Variants in MAML2 observed in about 807,000 individuals in gnomAD.
The protein encoded by MAML2 is mastermind like transcriptional coactivator 2.
Under a neutral mutation model 96.1 loss-of-function variants are expected in MAML2, and 22 were observed. That is an observed-to-expected ratio of 0.23 (90% CI 0.16 to 0.33). MAML2 has a LOEUF of 0.33. Among genes scored for constraint, MAML2 ranks in the 10% least tolerant of loss-of-function variants. MAML2 has a pLI of 1.00. For synonymous variants in MAML2, 561 were observed against 521.3 expected (o/e 1.08, Z -1.04); for missense variants, 1,367 against 1,392.4 (o/e 0.98, Z 0.29).
At chr11:96,285,318 C>A (rs547860547) in intron 1 of MAML2, among the ~76,000 whole-genome samples, 1 of 152,072 alleles carries the variant, frequency 6.6e-6, no homozygotes, top group Admixed American at 6.6e-5. Context: ...CAAACTTACA[C>A]AAAAAGTAAG....
chr11:96,255,498 C>T (rs1443175105), intron 1 of MAML2, among the ~76,000 whole-genome samples: 2 of 152,224 alleles, frequency 1.3e-5, no homozygotes, highest in African/African-American at 4.8e-5. Flanking sequence ...CACTTGCTGC[C>T]TCCATTGTTA....
chr11:96,219,353 G>T (rs569655783), intron 1 of MAML2, among the ~76,000 whole-genome samples: 135 of 152,222 alleles, frequency 8.9e-4, no homozygotes, highest in Non-Finnish European at 1.5e-3. Context: ...TGTTCAAGAG[G>T]CCTTCCCAGA....
At chr11:96,175,600 T>A (rs1427490888) in intron 1 of MAML2, among the ~76,000 whole-genome samples, 2 of 152,180 alleles carry the variant, frequency 1.3e-5, no homozygotes, top group Non-Finnish European at 2.9e-5. Context: ...TTGTTTTGTT[T>A]TTTTTTAGAT....
intron 2 of MAML2, among the ~76,000 whole-genome samples, chr11:96,077,515 C>T (rs1859461762): frequency 6.6e-6 from 1 of 152,228 alleles, no homozygotes; most frequent in South Asian, 2.1e-4. Flanking sequence ...GCCACCGCAA[C>T]TGGCCTACCC....
chr11:96,134,393 T>C (rs1262925268), intron 1 of MAML2, among the ~76,000 whole-genome samples: 1 of 152,232 alleles, frequency 6.6e-6, no homozygotes, highest in East Asian at 1.9e-4. Context: ...TTGATGCATT[T>C]TTAATGAATT....
intron 1 of MAML2, among the ~76,000 whole-genome samples, chr11:96,299,044 CAAAAA>C (rs71040142): frequency 4.3e-4 from 35 of 80,756 alleles, no homozygotes; most frequent in Middle Eastern, 9.3e-3. Context: ...GAGTCCATCT[CAAAAA>C]AAAAAAAAAA....
At chr11:96,189,510 A>G (rs188369826) in intron 1 of MAML2, among the ~76,000 whole-genome samples, 54 of 152,366 alleles carry the variant, frequency 3.5e-4, no homozygotes, top group Middle Eastern at 3.4e-3. Flanking sequence ...TCTTACCACT[A>G]TGACTAATTT....
At chr11:96,330,339 C>G (rs1304050486) in intron 1 of MAML2, among the ~76,000 whole-genome samples, 1 of 152,154 alleles carries the variant, frequency 6.6e-6, no homozygotes, top group Non-Finnish European at 1.5e-5. Flanking sequence ...TAGGCTATTT[C>G]ATAAACTGTA....
At position 96,093,142 on chromosome 11, in the gene MAML2, G is replaced by T. The variant is rs973963049; in HGVS notation, c.889C>A (p.Pro297Thr). 2.6e-5 allele frequency: 42 copies of T among 1,613,768 alleles called. No homozygotes were observed. Among genetic ancestry groups the T allele is most frequent in the Non-Finnish European group, 3.5e-5 (41 of 1,179,890 alleles). ...TCAGGATCCATCAGTTGTTCTCCAG[G>T]GTCGTCTCCGTACCTATTAGGAAAA... ...NIFPNRYGDD[P>T]GEQLMDPELQ... The change falls in exon 2 of 5, where the codon CCT becomes ACT. Residue 297 changes from proline to threonine, a missense_variant. By Grantham distance (38) the Pro-to-Thr change is conservative (BLOSUM62 -1). Transcript: ENST00000524717.
chr11:95,984,941 G>A (rs868592380), intron 4 of MAML2, among the ~76,000 whole-genome samples: 2 of 152,166 alleles, frequency 1.3e-5, no homozygotes, highest in African/African-American at 4.8e-5. Flanking sequence ...TTTCATGAGC[G>A]GGAGGAGAGA....
At chr11:96,294,537 G>A (rs1290041461) in intron 1 of MAML2, among the ~76,000 whole-genome samples, 1 of 152,192 alleles carries the variant, frequency 6.6e-6, no homozygotes, top group Non-Finnish European at 1.5e-5. Context: ...AAGGACTGCA[G>A]GAAGTTCCAA....
At chr11:96,005,113 T>A (rs1478693380) in intron 2 of MAML2, among the ~76,000 whole-genome samples, 1 of 152,240 alleles carries the variant, frequency 6.6e-6, no homozygotes, top group Non-Finnish European at 1.5e-5. Flanking sequence ...ATCTTGGACT[T>A]CACAGCCTCC....
chr11:96,081,763 T>A (rs1180230432), intron 2 of MAML2, among the ~76,000 whole-genome samples: 1 of 152,224 alleles, frequency 6.6e-6, no homozygotes, highest in African/African-American at 2.4e-5. Context: ...ATGGAAAATT[T>A]TCAACAATCC....
intron 4 of MAML2, among the ~76,000 whole-genome samples, chr11:95,982,452 T>G (rs547278001): frequency 6.6e-6 from 1 of 152,190 alleles, no homozygotes; most frequent in South Asian, 2.1e-4. Flanking sequence ...TCAGATTTCT[T>G]TTCTTTCCTC....
chr11:96,074,044 T>A (rs1055255178), intron 2 of MAML2, among the ~76,000 whole-genome samples: 1 of 147,834 alleles, frequency 6.8e-6, no homozygotes, highest in Non-Finnish European at 1.5e-5. Flanking sequence ...TAAAAAATAT[T>A]TTTTTTCATG....
intron 1 of MAML2, among the ~76,000 whole-genome samples, chr11:96,340,507 A>G (rs1565288797): frequency 5.9e-5 from 9 of 152,146 alleles, no homozygotes. Flanking sequence ...TCCAAGGGAT[A>G]CTCCTCTGGG....
chr11:96,172,279 A>G (rs776408119), intron 1 of MAML2, among the ~76,000 whole-genome samples: 17 of 152,340 alleles, frequency 1.1e-4, no homozygotes, highest in Non-Finnish European at 1.9e-4. Flanking sequence ...AAGGTAGCTT[A>G]TGGCTCATCA....
chr11:96,078,272 G>T (rs1859475270), intron 2 of MAML2, among the ~76,000 whole-genome samples: 1 of 152,166 alleles, frequency 6.6e-6, no homozygotes, highest in African/African-American at 2.4e-5. Context: ...CTTTTTAAAA[G>T]AATGTAATAT....
intron 2 of MAML2, among the ~76,000 whole-genome samples, chr11:96,030,008 T>G (rs1023240665): frequency 6.6e-6 from 1 of 152,038 alleles, no homozygotes; most frequent in African/African-American, 2.4e-5. Flanking sequence ...CCAAGGTGGG[T>G]GGATCACGAG....
Sources: allele counts gnomAD v4.1 joint callset (sites outside exome capture counted in the v4.1 genomes callset), GRCh38; gene constraint gnomAD v4.1.1; transcripts MANE v1.5; gene names NCBI Gene and HGNC (gene_info 2026-07-23, HGNC 2026-07-21).